Variants in CDK8 observed in about 807,000 individuals in gnomAD.
The protein encoded by CDK8 is cyclin-dependent kinase 8.
Under a neutral mutation model 71.5 loss-of-function variants are expected in CDK8, and 29 were observed. That is an observed-to-expected ratio of 0.41 (90% confidence interval 0.30 to 0.55). CDK8 has a LOEUF of 0.55. Among genes scored for constraint, CDK8 ranks in the 20% least tolerant of loss-of-function variants. The pLI is 0.37. For synonymous variants in CDK8, 161 were observed against 192.1 expected, an observed-to-expected ratio of 0.84 and a Z score of 1.34; for missense variants, 288 against 572.6, an observed-to-expected ratio of 0.50 and a Z score of 5.07.
chr13:26,323,200 G>A (rs549677906), intron 1 of CDK8, among the ~76,000 whole-genome samples: 1 of 152,138 alleles, frequency 6.6e-6, no homozygotes, highest in East Asian at 1.9e-4. Flanking sequence ...ACTTCTCCCA[G>A]TTCTGGAAGT....
In CDK8 at chr13:26,254,907, G is replaced by C; in HGVS notation, c.128+138G>C. 1 of 1,250,424 alleles carries C rather than the reference G, an allele frequency of 8.0e-7. No individual in the cohort carries two copies. The highest frequency in any genetic ancestry group is 1.1e-6 in the Non-Finnish European group (1 of 907,510). The allele number at this position is 1,250,424 out of a possible 1,614,324, so 77.5% of individuals were successfully genotyped here. On this transcript the variant is annotated intron_variant, in intron 1 of 12. Coordinates refer to ENST00000381527, the MANE Select transcript of CDK8 (RefSeq NM_001260.3). This position sits in a 1 kb window ranked among gnomAD's most constrained non-coding sequence, Gnocchi z 6.7. ...CGCCGGCCTCTGGCTCCGCCAGCCAGGTTTGGGGAGGAAGTGGTGTACGAG... is the reference window on the plus strand; with the variant it reads ...CGCCGGCCTCTGGCTCCGCCAGCCACGTTTGGGGAGGAAGTGGTGTACGAG...
intron 1 of CDK8, among the ~76,000 whole-genome samples, chr13:26,297,444 A>G (rs372026330): frequency 7.2e-5 from 11 of 152,120 alleles, no homozygotes; most frequent in East Asian, 3.8e-4. Flanking sequence ...AAGATCTTTG[A>G]TTGAAGCTCC....
chr13:26,337,250 GT>G (rs1254834640), intron 1 of CDK8, among the ~76,000 whole-genome samples: 1 of 152,170 alleles, frequency 6.6e-6, no homozygotes, highest in Non-Finnish European at 1.5e-5. Context: ...TTTTATATGT[GT>G]GTGTTATGTT....
intron 1 of CDK8, among the ~76,000 whole-genome samples, chr13:26,264,416 G>A (rs1396960384): frequency 6.6e-6 from 1 of 151,986 alleles, no homozygotes; most frequent in East Asian, 1.9e-4. Flanking sequence ...CTCCCAAGTG[G>A]GTGGGACTAG....
chr13:26,256,349 A>G (rs1488454197), intron 1 of CDK8, among the ~76,000 whole-genome samples: 2 of 152,034 alleles, frequency 1.3e-5, no homozygotes, highest in African/African-American at 4.8e-5. Flanking sequence ...AAAGCTTTAA[A>G]CCATCTCCCC....
intron 4 of CDK8, among the ~76,000 whole-genome samples, chr13:26,362,808 T>C (rs1249842085): frequency 6.6e-6 from 1 of 152,178 alleles, no homozygotes; most frequent in Non-Finnish European, 1.5e-5. Context: ...AATTTTCATA[T>C]GGTCATTAAT....
At chr13:26,318,805 A>G (rs967726322) in intron 1 of CDK8, among the ~76,000 whole-genome samples, 10 of 152,304 alleles carry the variant, frequency 6.6e-5, no homozygotes, top group African/African-American at 2.4e-4. Context: ...AATGAAAGGA[A>G]ACTACCTCAA....
At chr13:26,311,896 G>A (rs1014543621) in intron 1 of CDK8, among the ~76,000 whole-genome samples, 2 of 152,196 alleles carry the variant, frequency 1.3e-5, no homozygotes, top group Non-Finnish European at 2.9e-5. Flanking sequence ...GGTAAAAGTA[G>A]ATAAACCTGG....
chr13:26,322,962 G>T (rs1874849157), intron 1 of CDK8, among the ~76,000 whole-genome samples: 1 of 152,004 alleles, frequency 6.6e-6, no homozygotes. Flanking sequence ...CCCTAATTTT[G>T]TATTTAGATA....
chr13:26,284,942 C>A (rs1385455679), intron 1 of CDK8, among the ~76,000 whole-genome samples: 3 of 145,186 alleles, frequency 2.1e-5, no homozygotes, highest in African/African-American at 5.1e-5. Flanking sequence ...CAAAAATCCT[C>A]AAAAAAAAAA....
intron 1 of CDK8, among the ~76,000 whole-genome samples, chr13:26,277,559 G>A (rs1030597352): frequency 1.3e-5 from 2 of 152,176 alleles, no homozygotes; most frequent in Non-Finnish European, 2.9e-5. Flanking sequence ...ATGACAAGGA[G>A]AAAGGTACCA....
intron 1 of CDK8, among the ~76,000 whole-genome samples, chr13:26,279,484 A>C (rs539501015): frequency 1.3e-5 from 2 of 152,112 alleles, no homozygotes; most frequent in Non-Finnish European, 2.9e-5. Context: ...TCACCGGTAT[A>C]GTTGTCCCAC....
rs2137843246 is a variant in CDK8 at position 26,254,890 on chromosome 13, T to C, written c.128+121T>C. ...GGCTCTGACTTCCTCGACGCCGGCC[T>C]CTGGCTCCGCCAGCCAGGTTTGGGG... is the stretch of plus-strand genomic sequence containing the variant. On this transcript the variant is annotated intron_variant, in intron 1 of 12. Transcript: ENST00000381527. The surrounding 1 kb of genome is among the most constrained non-coding windows in gnomAD (Gnocchi z 6.7). The C allele has an allele frequency of 1.4e-6, 2 of 1,386,072 alleles. No homozygotes were observed. Among genetic ancestry groups the C allele is most frequent in the Non-Finnish European group, 2.0e-6 (2 of 1,022,838 alleles). The allele number at this position is 1,386,072 out of a possible 1,614,324, so 85.9% of individuals were successfully genotyped here. A position where few individuals can be genotyped will look rare whatever the true frequency, so the allele number is the denominator to read the frequency against.
At chr13:26,392,013 ATTTGT>A (rs1449442452) in intron 6 of CDK8, among the ~76,000 whole-genome samples, 1 of 152,100 alleles carries the variant, frequency 6.6e-6, no homozygotes. Flanking sequence ...AGTAATTTTG[ATTTGT>A]TCCCTTTGGT....
intron 4 of CDK8, among the ~76,000 whole-genome samples, chr13:26,380,983 G>C (rs181323424): frequency 3.3e-5 from 5 of 152,042 alleles, no homozygotes; most frequent in African/African-American, 9.7e-5. Flanking sequence ...ATAATTTTCC[G>C]TGTGGAAGGT....
intron 1 of CDK8, among the ~76,000 whole-genome samples, chr13:26,326,753 T>C (rs969897380): frequency 6.6e-6 from 1 of 152,188 alleles, no homozygotes; most frequent in African/African-American, 2.4e-5. Flanking sequence ...GGCAAAGTCA[T>C]TGGAGTGTGT....
intron 2 of CDK8, among the ~76,000 whole-genome samples, chr13:26,346,867 C>T (rs943678): frequency 0.95 from 144,157 of 152,322 alleles, 68,258 homozygotes; most frequent in East Asian, 1. Context: ...CTGAAGTTTA[C>T]TTCAAAGCCC....
intron 1 of CDK8, among the ~76,000 whole-genome samples, chr13:26,302,640 T>A (rs1873873667): frequency 6.6e-6 from 1 of 152,184 alleles, no homozygotes; most frequent in Admixed American, 6.5e-5. Flanking sequence ...GAATGGAGAG[T>A]AGATTAGATG....
At chr13:26,353,907 C>T in intron 4 of CDK8, 27 bp downstream of exon 4, 1 of 1,602,134 alleles carries the variant, frequency 6.2e-7, no homozygotes, top group Non-Finnish European at 8.6e-7. Flanking sequence ...TTGGTTTAAA[C>T]TAGAAAGATG....
Sources: allele counts gnomAD v4.1 joint callset (sites outside exome capture counted in the v4.1 genomes callset), GRCh38; gene constraint gnomAD v4.1.1; non-coding constraint Gnocchi (gnomAD v3.1); transcripts MANE v1.5; gene names NCBI Gene and HGNC (gene_info 2026-07-23, HGNC 2026-07-21).